Variants in SH2D4A observed in about 807,000 individuals in gnomAD.
SH2D4A encodes SH2 domain-containing protein 4A.
Under a neutral mutation model 64.7 loss-of-function variants are expected in SH2D4A, and 70 were observed. That is an observed-to-expected ratio of 1.08 (90% CI 0.89 to 1.32). SH2D4A has a LOEUF of 1.32. SH2D4A is among the 40% of genes most tolerant of loss of function. SH2D4A has a pLI of 0.00. For synonymous variants in SH2D4A, 268 were observed against 200.7 expected, an observed-to-expected ratio of 1.34 and a Z score of -2.83; for missense variants, 706 against 540.1, an observed-to-expected ratio of 1.31 and a Z score of -3.04.
At chr8:19,348,952 G>A (rs902456896) in intron 4 of SH2D4A, among the ~76,000 whole-genome samples, 1 of 152,042 alleles carries the variant, frequency 6.6e-6, no homozygotes, top group Non-Finnish European at 1.5e-5. Context: ...GGAGGCAAGG[G>A]GGTTCACACC....
intron 4 of SH2D4A, 125 bp downstream of exon 4, chr8:19,334,982 C>T: frequency 8.5e-7 from 1 of 1,176,978 alleles, no homozygotes; most frequent in East Asian, 2.6e-5. Context: ...AGAAATGCCT[C>T]CTAACTTTAA....
intron 9 of SH2D4A, among the ~76,000 whole-genome samples, 166 bp downstream of exon 9, chr8:19,393,707 C>T (rs989428394): frequency 1.1e-4 from 16 of 152,148 alleles, no homozygotes; most frequent in African/African-American, 1.9e-4. Flanking sequence ...TTGTTAATCA[C>T]ATTTCATTTA....
chr8:19,343,863 A>G (rs2052568649), intron 4 of SH2D4A, among the ~76,000 whole-genome samples: 1 of 152,194 alleles, frequency 6.6e-6, no homozygotes, highest in African/African-American at 2.4e-5. Flanking sequence ...CTAGGAGGCC[A>G]GTGGCCTGTT....
At chr8:19,351,463 C>T (rs1171763660) in intron 4 of SH2D4A, among the ~76,000 whole-genome samples, 9 of 152,024 alleles carry the variant, frequency 5.9e-5, no homozygotes, top group Admixed American at 5.2e-4. Context: ...ATTAGCCAGG[C>T]GTGCTGGCAG....
At chr8:19,380,472 C>T (rs1443506415) in intron 8 of SH2D4A, among the ~76,000 whole-genome samples, 9 of 151,804 alleles carry the variant, frequency 5.9e-5, no homozygotes, top group Admixed American at 6.6e-5. Context: ...AAGATTTGGC[C>T]CTCTGTTTTC....
chr8:19,355,248 A>G (rs1788804813), intron 4 of SH2D4A, among the ~76,000 whole-genome samples: 1 of 152,278 alleles, frequency 6.6e-6, no homozygotes, highest in African/African-American at 2.4e-5. Context: ...TATATCATCA[A>G]AGAAAGAGAG....
At chr8:19,379,891 A>G (rs1175772552) in intron 8 of SH2D4A, among the ~76,000 whole-genome samples, 1 of 152,034 alleles carries the variant, frequency 6.6e-6, no homozygotes, top group Non-Finnish European at 1.5e-5. Context: ...TTCCAGTACC[A>G]TGACTGGCTA....
intron 8 of SH2D4A, among the ~76,000 whole-genome samples, chr8:19,390,668 G>A (rs1422494920): frequency 6.6e-6 from 1 of 152,144 alleles, no homozygotes; most frequent in Admixed American, 6.5e-5. Flanking sequence ...CAAAGCCTAG[G>A]CTCCAGGGCA....
In SH2D4A at chr8:19,318,140, G is replaced by T. The variant is rs562616860; in HGVS notation, c.-204-1204G>T. On this transcript the variant is annotated intron_variant, in intron 1 of 9. Transcript: ENST00000265807. ...AGACTGGTCTCGAACTCCTGACCTC[G>T]TGATCCCCCCTCTTTGGCCTCCCAA... is the stretch of plus-strand genomic sequence containing the variant. Among the ~76,000 whole-genome samples, 4 of 152,188 alleles carry T rather than the reference G, an allele frequency of 2.6e-5. No individual in the cohort carries two copies. The South Asian group carries it at 6.2e-4, about 24-fold the overall frequency.
At chr8:19,353,828 C>T (rs1217064334) in intron 4 of SH2D4A, among the ~76,000 whole-genome samples, 2 of 151,610 alleles carry the variant, frequency 1.3e-5, no homozygotes, top group South Asian at 2.1e-4. Context: ...TTATTTTAAC[C>T]CTTTAGAATA....
In SH2D4A at chr8:19,334,931, A is replaced by C. The variant is rs1251946482; in HGVS notation, c.513+74A>C. 3 of 1,456,898 alleles carry C rather than the reference A, an allele frequency of 2.1e-6. No homozygotes were observed. The East Asian group carries it at 7.0e-5, about 34-fold the overall frequency. The allele number at this position is 1,456,898 out of a possible 1,614,324, so 90.2% of individuals were successfully genotyped here. ...AAAAGCTATTGAGGCCACAGAGACTACTGTGGCTGAGTGTCAGGATCCTCC... is the reference window on the plus strand; with the variant it reads ...AAAAGCTATTGAGGCCACAGAGACTCCTGTGGCTGAGTGTCAGGATCCTCC... On this transcript the variant is annotated intron_variant, in intron 4 of 9. Coordinates refer to ENST00000265807, the MANE Select transcript of SH2D4A (RefSeq NM_022071.4).
Position 19,395,888 on chromosome 8 carries a change from C to T in SH2D4A, c.*1246C>T, listed in dbSNP as rs190366124. The T allele has an allele frequency of 6.7e-6, 1 of 149,958 alleles. No homozygotes were observed. The highest frequency in any genetic ancestry group is 1.5e-5 in the Non-Finnish European group (1 of 67,608). 9.3% of individuals were successfully genotyped at this position (149,958 alleles called of 1,614,324 possible). On this transcript the variant is annotated 3_prime_UTR_variant, in exon 10 of 10. Coordinates refer to ENST00000265807, the MANE Select transcript of SH2D4A (RefSeq NM_022071.4). ...TACAGTCGTTTATGTAATTACATAACCTGACACACAAGATCGACCCATTCA... is the reference window on the plus strand; with the variant it reads ...TACAGTCGTTTATGTAATTACATAATCTGACACACAAGATCGACCCATTCA...
chr8:19,316,200 G>A (rs907385049), intron 1 of SH2D4A, among the ~76,000 whole-genome samples: 2 of 152,196 alleles, frequency 1.3e-5, no homozygotes, highest in African/African-American at 2.4e-5. Flanking sequence ...GATAGTTGTC[G>A]GCTGGGTCCC....
At chr8:19,335,079 C>T (rs948455242) in intron 4 of SH2D4A, among the ~76,000 whole-genome samples, 7 of 151,874 alleles carry the variant, frequency 4.6e-5, no homozygotes, top group East Asian at 1.9e-4. Context: ...GTCAGGAGAT[C>T]GAGACCATCC....
At chr8:19,360,984 G>C (rs1467430200) in intron 5 of SH2D4A, 1 of 325,622 alleles carries the variant, frequency 3.1e-6, no homozygotes. Context: ...AGGTTCATTT[G>C]TTGCTCCTGG....
chr8:19,389,510 T>G (rs1403687122), intron 8 of SH2D4A, among the ~76,000 whole-genome samples: 1 of 152,118 alleles, frequency 6.6e-6, no homozygotes, highest in Non-Finnish European at 1.5e-5. Flanking sequence ...TGCTGCTGTT[T>G]TGTAGGGTGT....
At chr8:19,375,471 C>G (rs2153650328) in intron 8 of SH2D4A, 1 of 152,252 alleles carries the variant, frequency 6.6e-6, no homozygotes, top group African/African-American at 2.4e-5. Context: ...TTTTTCACTC[C>G]ACAAAGTTTT....
chr8:19,358,359 C>T (rs1261590178), intron 5 of SH2D4A, among the ~76,000 whole-genome samples: 1 of 152,086 alleles, frequency 6.6e-6, no homozygotes, highest in Middle Eastern at 3.2e-3. Context: ...AGATGATAAA[C>T]ATATCTATGA....
At chr8:19,329,016 G>A (rs1677462940) in intron 2 of SH2D4A, among the ~76,000 whole-genome samples, 2 of 152,172 alleles carry the variant, frequency 1.3e-5, no homozygotes, top group Non-Finnish European at 2.9e-5. Context: ...GTGATGGTCA[G>A]CCTATGCCAC....
Sources: allele counts gnomAD v4.1 joint callset (sites outside exome capture counted in the v4.1 genomes callset), GRCh38; gene constraint gnomAD v4.1.1; transcripts MANE v1.5; gene names NCBI Gene and HGNC (gene_info 2026-07-23, HGNC 2026-07-21).